Variants in MAF observed in about 807,000 individuals in gnomAD.
MAF encodes the protein MAF bZIP transcription factor.
MAF carries 10 observed loss-of-function variants against 22.0 expected under a neutral mutation model. The observed-to-expected ratio is 0.45, with a 90% CI of 0.28 to 0.77. The LOEUF is 0.77. Among genes scored for constraint, MAF ranks in the 30% least tolerant of loss-of-function variants. MAF has a pLI of 0.12. For missense variants in MAF, 544 were observed against 548.4 expected (o/e 0.99, Z 0.08); for synonymous variants, 337 against 255.8 (o/e 1.32, Z -3.03).
chr16:79,413,429 T>C, the MAF span, among the ~76,000 whole-genome samples: 3 of 147,626 alleles, frequency 2.0e-5, no homozygotes, highest in Non-Finnish European at 3.0e-5. Flanking sequence ...TTATTTTTAG[T>C]AGAGACGGGG....
the MAF span, among the ~76,000 whole-genome samples, chr16:79,256,585 A>G: frequency 6.6e-6 from 1 of 152,142 alleles, no homozygotes; most frequent in Non-Finnish European, 1.5e-5. Flanking sequence ...GAGATGACTG[A>G]TAAGACGTCC....
At chr16:79,389,907 C>T in the MAF span, among the ~76,000 whole-genome samples, 2 of 121,230 alleles carry the variant, frequency 1.6e-5, no homozygotes, top group East Asian at 2.8e-4. Context: ...ACCTGGGAGG[C>T]GGAGGTTGCA....
chr16:79,587,679 A>C (rs1912930029), intron 1 of MAF, among the ~76,000 whole-genome samples: 1 of 152,078 alleles, frequency 6.6e-6, no homozygotes, highest in Non-Finnish European at 1.5e-5. Context: ...TCCTGACCAT[A>C]TCATTGATAG....
chr16:79,491,248 T>C, the MAF span, among the ~76,000 whole-genome samples: 3 of 152,102 alleles, frequency 2.0e-5, no homozygotes, highest in Admixed American at 6.5e-5. Flanking sequence ...ATATTACAAA[T>C]GGGGCAAACA....
At chr16:79,450,883 T>C in the MAF span, among the ~76,000 whole-genome samples, 28 of 151,940 alleles carry the variant, frequency 1.8e-4, no homozygotes, top group Admixed American at 1.2e-3. Flanking sequence ...ACAGAAGAAA[T>C]TAAGAGGAAA....
the MAF span, among the ~76,000 whole-genome samples, chr16:79,336,819 C>T: frequency 6.6e-6 from 1 of 152,134 alleles, no homozygotes; most frequent in African/African-American, 2.4e-5. Context: ...GAGAAGGGGA[C>T]CACCTTCTGG....
At chr16:79,471,310 A>C in the MAF span, among the ~76,000 whole-genome samples, 4 of 152,230 alleles carry the variant, frequency 2.6e-5, no homozygotes, top group African/African-American at 9.7e-5. Flanking sequence ...CAGAACCCTC[A>C]ACTCCAAATT....
downstream of MAF, among the ~76,000 whole-genome samples, chr16:79,591,537 G>T (rs140960412): frequency 1.5e-4 from 23 of 152,336 alleles, no homozygotes; most frequent in Admixed American, 3.3e-4. Context: ...AACAAGAGAA[G>T]AGGTGCTCAA....
the MAF span, among the ~76,000 whole-genome samples, chr16:79,349,911 C>T: frequency 6.6e-6 from 1 of 152,204 alleles, no homozygotes; most frequent in Non-Finnish European, 1.5e-5. Flanking sequence ...TCCACTCATA[C>T]TGAACTTTTC....
In MAF at chr16:79,594,439, T is replaced by C. The variant is rs1240908116; in HGVS notation, c.*21A>G. On this transcript the variant is annotated 3_prime_UTR_variant, in exon 2 of 2. Coordinates refer to ENST00000326043, the MANE Select transcript of MAF (RefSeq NM_005360.5). ...TAATAATAATGATGATTTTTTTTAATGTACAGCTCTCACACAAATTTCATT... is the reference window on the plus strand; with the variant it reads ...TAATAATAATGATGATTTTTTTTAACGTACAGCTCTCACACAAATTTCATT... 1.9e-6 allele frequency: 3 copies of C among 1,548,678 alleles called. No homozygotes were observed. Among genetic ancestry groups the C allele is most frequent in the Non-Finnish European group, 2.6e-6 (3 of 1,143,926 alleles).
At chr16:79,218,892 T>C in the MAF span, among the ~76,000 whole-genome samples, 1 of 152,204 alleles carries the variant, frequency 6.6e-6, no homozygotes, top group Non-Finnish European at 1.5e-5. Context: ...AGATTCCATC[T>C]GAATGCAGTG....
the MAF span, among the ~76,000 whole-genome samples, chr16:79,241,112 C>T: frequency 7.2e-5 from 11 of 152,028 alleles, no homozygotes; most frequent in African/African-American, 2.7e-4. Flanking sequence ...CTGGAAATTC[C>T]AAAAACCAGA....
the MAF span, among the ~76,000 whole-genome samples, chr16:79,248,454 C>A: frequency 1.3e-5 from 2 of 152,156 alleles, no homozygotes; most frequent in African/African-American, 4.8e-5. Flanking sequence ...CCAGATTCTT[C>A]TATACAGTCA....
At chr16:79,552,478 C>G in the MAF span, among the ~76,000 whole-genome samples, 1 of 152,190 alleles carries the variant, frequency 6.6e-6, no homozygotes, top group Non-Finnish European at 1.5e-5. Context: ...CAAAGTGACA[C>G]AATTACAGGT....
the MAF span, among the ~76,000 whole-genome samples, chr16:79,320,192 GA>G: frequency 1.3e-5 from 2 of 152,188 alleles, no homozygotes; most frequent in Non-Finnish European, 2.9e-5. Flanking sequence ...GGAAACCACT[GA>G]AAAGGTTTTG....
the MAF span, among the ~76,000 whole-genome samples, chr16:79,421,051 AT>A: frequency 7.3e-5 from 11 of 151,408 alleles, no homozygotes; most frequent in African/African-American, 2.7e-4. Context: ...AAAAAAAAAA[AT>A]TGAGAGAGAG....
the MAF span, among the ~76,000 whole-genome samples, chr16:79,409,787 T>G: frequency 6.6e-6 from 1 of 152,316 alleles, no homozygotes; most frequent in East Asian, 1.9e-4. Flanking sequence ...GCTAGATCAG[T>G]GCTGTTCAGT....
the MAF span, among the ~76,000 whole-genome samples, chr16:79,485,732 C>T: frequency 6.6e-6 from 1 of 152,168 alleles, no homozygotes; most frequent in South Asian, 2.1e-4. Context: ...CTGTCGGGTT[C>T]CTCCTGAATC....
chr16:79,444,761 A>C, the MAF span, among the ~76,000 whole-genome samples: 2 of 152,188 alleles, frequency 1.3e-5, no homozygotes, highest in African/African-American at 2.4e-5. Context: ...AGGACTTTGG[A>C]AGATTATTGC....
Sources: allele counts gnomAD v4.1 joint callset (sites outside exome capture counted in the v4.1 genomes callset), GRCh38; gene constraint gnomAD v4.1.1; transcripts MANE v1.5; gene names NCBI Gene and HGNC (gene_info 2026-07-23, HGNC 2026-07-21).